RRM1: variants seen among roughly 807,000 people sequenced by gnomAD.
The protein encoded by RRM1 is ribonucleotide reductase catalytic subunit M1, also known as ribonucleoside-diphosphate reductase large subunit.
In RRM1, 19 loss-of-function variants were observed where a neutral mutation model predicts 101.5. The observed-to-expected ratio is 0.19, with a 90% confidence interval of 0.13 to 0.27. The LOEUF is 0.27. Ranked by LOEUF, RRM1 falls within the 10% of genes least tolerant of loss-of-function variation. RRM1 has a pLI of 1.00. For missense variants in RRM1, 500 were observed against 962.9 expected, an observed-to-expected ratio of 0.52 and a Z score of 6.36; for synonymous variants, 298 against 323.4, an observed-to-expected ratio of 0.92 and a Z score of 0.84.
intron 2 of RRM1, among the ~76,000 whole-genome samples, chr11:4,104,990 G>A (rs1429576860): frequency 1.3e-5 from 2 of 152,124 alleles, no homozygotes; most frequent in African/African-American, 4.8e-5. Flanking sequence ...CCCTTATATA[G>A]AATCAGTCTG....
chr11:4,129,042 T>C (rs777110253), intron 14 of RRM1, 32 bp from the exon 15 acceptor site: 1 of 1,235,924 alleles, frequency 8.1e-7, no homozygotes, highest in Admixed American at 2.3e-5. Flanking sequence ...TTTAACTTGC[T>C]GTAGAATAAA....
Position 4,111,883 on chromosome 11 carries a change from T to C in RRM1, c.488-17T>C. On this transcript the variant is annotated splice_polypyrimidine_tract_variant and intron_variant, in intron 6 of 18. Transcript: ENST00000300738. ...TTCTGACGTCTCATCATGTGAAAAC[T>C]CCTCTTTTGTCTATAGTGGCTGAAA... is the stretch of plus-strand genomic sequence containing the variant. 1 of 1,601,558 alleles carries C rather than the reference T, an allele frequency of 6.2e-7. No homozygotes were observed. The highest frequency in any genetic ancestry group is 2.2e-5 in the East Asian group (1 of 44,688).
chr11:4,097,246 T>A (rs1304234185), intron 1 of RRM1, among the ~76,000 whole-genome samples: 1 of 128,082 alleles, frequency 7.8e-6, no homozygotes, highest in African/African-American at 3.1e-5. Context: ...GCCATTGCAC[T>A]CCAGTCTAGG....
Position 4,138,464 on chromosome 11 carries a change from A to C in RRM1, c.*81A>C. 3.6e-6 allele frequency: 4 copies of C among 1,107,482 alleles called. No homozygotes were observed. In the South Asian group the frequency reaches 1.1e-4, roughly 30 times the overall value. 68.6% of individuals were successfully genotyped at this position (1,107,482 alleles called of 1,614,324 possible). On this transcript the variant is annotated 3_prime_UTR_variant, in exon 19 of 19. Transcript: ENST00000300738. The stretch of plus-strand genomic sequence containing the variant: ...TAGATAGGTATAGTGGGTTTGCTTG[A>C]GGTGGTAAGGCTTTGCTGGACCCTG...
intron 15 of RRM1, among the ~76,000 whole-genome samples, chr11:4,129,359 A>G (rs2094595095): frequency 6.6e-6 from 1 of 152,154 alleles, no homozygotes; most frequent in Admixed American, 6.5e-5. Context: ...CAATGAAAGC[A>G]TTTCAGTACC....
At chr11:4,131,383 C>A (rs369060862) in intron 15 of RRM1, among the ~76,000 whole-genome samples, 1 of 152,144 alleles carries the variant, frequency 6.6e-6, no homozygotes, top group South Asian at 2.1e-4. Flanking sequence ...CAAACTATAT[C>A]CAGTTGTACA....
chr11:4,124,803 T>C (rs1448444297), intron 12 of RRM1, among the ~76,000 whole-genome samples: 2 of 151,128 alleles, frequency 1.3e-5, no homozygotes, highest in Non-Finnish European at 1.5e-5. Flanking sequence ...TATAATTCAC[T>C]CTTTTTAAAA....
intron 5 of RRM1, among the ~76,000 whole-genome samples, chr11:4,110,175 C>CT (rs937293435): frequency 6.6e-6 from 1 of 151,782 alleles, no homozygotes; most frequent in African/African-American, 2.4e-5. Context: ...TTTTTTGAGT[C>CT]TGTGTCTCAC....
At chr11:4,108,370 G>A (rs1180060062) in intron 4 of RRM1, among the ~76,000 whole-genome samples, 1 of 152,038 alleles carries the variant, frequency 6.6e-6, no homozygotes, top group Non-Finnish European at 1.5e-5. Flanking sequence ...AGGCTGAGGC[G>A]GGTGGATCAC....
intron 18 of RRM1, 97 bp downstream of exon 18, chr11:4,135,367 C>G: frequency 1.1e-6 from 1 of 910,116 alleles, no homozygotes; most frequent in Admixed American, 3.0e-5. Context: ...ATATTATCAC[C>G]TAGAAGTTCT....
At chr11:4,099,950 C>CG (rs933257998) in intron 1 of RRM1, among the ~76,000 whole-genome samples, 3 of 151,906 alleles carry the variant, frequency 2.0e-5, no homozygotes, top group East Asian at 1.9e-4. Context: ...CTTTCCCCCC[C>CG]CACTGCATGT....
At chr11:4,118,910 T>C (rs571299130) in intron 8 of RRM1, among the ~76,000 whole-genome samples, 13 of 152,336 alleles carry the variant, frequency 8.5e-5, no homozygotes, top group African/African-American at 3.1e-4. Flanking sequence ...GTGAGGAAAT[T>C]GAGACTTAGA....
chr11:4,107,534 A>C lies in RRM1; in HGVS notation c.386A>C (p.Asp129Ala). 6.2e-7 allele frequency: 1 copy of C among 1,600,866 alleles called. No homozygotes were observed. Residue 129 changes from aspartate (D) to alanine (A), a missense_variant and splice_region_variant, in exon 4 of 19, where the codon GAT becomes GCT. By Grantham distance (126) the Asp-to-Ala change is moderately radical. This residue lies in a region of RRM1 where 41 missense variants were observed against 40.7 expected (regional missense o/e 1.01). Coordinates refer to ENST00000300738, the MANE Select transcript of RRM1 (RefSeq NM_001033.5). ...TTGGATATTGTTCTGGCCAATAAAG[A>C]TGTATGTATAACACTTATCTGGTGG... ...STLDIVLANKDRLNSAIIYDR... is the reference protein window; with the variant it reads ...STLDIVLANKARLNSAIIYDR...
intron 4 of RRM1, among the ~76,000 whole-genome samples, chr11:4,109,175 A>G (rs1310496957): frequency 3.3e-5 from 5 of 151,776 alleles, no homozygotes; most frequent in Non-Finnish European, 7.4e-5. Flanking sequence ...TATTATATAT[A>G]CTGTTATATA....
intron 5 of RRM1, among the ~76,000 whole-genome samples, chr11:4,110,174 T>G (rs2094563398): frequency 6.6e-6 from 1 of 151,996 alleles, no homozygotes; most frequent in Non-Finnish European, 1.5e-5. Flanking sequence ...TTTTTTTGAG[T>G]CTGTGTCTCA....
chr11:4,094,686 T>G, upstream of RRM1: 1 of 465,232 alleles, frequency 2.1e-6, no homozygotes, highest in Non-Finnish European at 3.9e-6. Flanking sequence ...AGGCGTAGTC[T>G]TCTGGGTCTT....
rs745956222 is a variant in RRM1 at position 4,138,413 on chromosome 11, T to C, written c.*30T>C. 9 of 1,543,024 alleles carry C rather than the reference T, an allele frequency of 5.8e-6. No homozygotes were observed. The East Asian group carries it at 1.4e-4, about 24-fold the overall frequency. On this transcript the variant is annotated 3_prime_UTR_variant, in exon 19 of 19. Transcript: ENST00000300738. The stretch of plus-strand genomic sequence containing the variant: ...AGACTTGGAAGAGACCAGCATGTCT[T>C]CAGTAGCCAAACTACTTCTTGAGCA...
At chr11:4,107,267 C>T (rs1032187525) in intron 3 of RRM1, among the ~76,000 whole-genome samples, 168 bp from the exon 4 acceptor site, 1 of 152,192 alleles carries the variant, frequency 6.6e-6, no homozygotes, top group African/African-American at 2.4e-5. Context: ...TGAGGCATTA[C>T]ATATTTCTTC....
At chr11:4,096,249 A>T (rs777828492) in intron 1 of RRM1, among the ~76,000 whole-genome samples, 2 of 152,202 alleles carry the variant, frequency 1.3e-5, no homozygotes, top group Non-Finnish European at 2.9e-5. Context: ...TCTGGCCTTG[A>T]ATTCCTGGCC....
Sources: gnomAD v4.1 joint callset for allele counts (sites outside exome capture counted in the v4.1 genomes callset) on GRCh38, gnomAD v4.1.1 for gene constraint, gnomAD v4.1.1 regional missense constraint, MANE v1.5 for transcripts, NCBI Gene and HGNC (gene_info 2026-07-23, HGNC 2026-07-21) for gene names.